Variants in RNF170 observed in about 807,000 individuals in gnomAD.
RNF170 encodes E3 ubiquitin-protein ligase RNF170.
In RNF170, 12 loss-of-function variants were observed where a neutral mutation model predicts 32.7. The observed-to-expected ratio is 0.37, with a 90% CI of 0.24 to 0.60. RNF170 has a LOEUF of 0.60. RNF170 is among the 20% of genes least tolerant of loss of function. The pLI is 0.72. For synonymous variants in RNF170, 91 were observed against 103.6 expected (o/e 0.88, Z 0.74); for missense variants, 212 against 311.2 (o/e 0.68, Z 2.40).
downstream of RNF170, among the ~76,000 whole-genome samples, chr8:42,852,945 G>A (rs1447778029): frequency 6.7e-6 from 1 of 149,748 alleles, no homozygotes; most frequent in Non-Finnish European, 1.5e-5. Context: ...GCCAGACCAT[G>A]TATCTACAAA....
downstream of RNF170, chr8:42,853,236 A>C (rs570584954): frequency 2.3e-4 from 163 of 710,220 alleles, 1 homozygote; most frequent in African/African-American, 2.8e-3. Context: ...ATTATACTGA[A>C]TGCTCTTTCA....
intron 3 of RNF170, among the ~76,000 whole-genome samples, chr8:42,872,569 A>T (rs1001044351): frequency 1.3e-5 from 2 of 152,058 alleles, no homozygotes; most frequent in African/African-American, 4.8e-5. Flanking sequence ...CAGCCTCCCA[A>T]GTAGCTGGGA....
chr8:42,857,391 C>T (rs1045118314), intron 6 of RNF170, among the ~76,000 whole-genome samples: 2 of 152,216 alleles, frequency 1.3e-5, no homozygotes, highest in Non-Finnish European at 2.9e-5. Flanking sequence ...AACAGCCTTA[C>T]AGCTTTCACA....
At chr8:42,896,835 C>T (rs1450173707), upstream of RNF170, 2 of 214,868 alleles carry the variant, frequency 9.3e-6, no homozygotes, top group Non-Finnish European at 1.8e-5. Flanking sequence ...GGCCTCGGCT[C>T]CAGCCAGGGC....
chr8:42,877,190 T>C (rs1357927004), intron 2 of RNF170, among the ~76,000 whole-genome samples: 1 of 151,968 alleles, frequency 6.6e-6, no homozygotes, highest in African/African-American at 2.4e-5. Flanking sequence ...CCTCCCAAAG[T>C]GCTGGGATTA....
At chr8:42,875,351 C>G (rs977406579) in intron 2 of RNF170, among the ~76,000 whole-genome samples, 2 of 152,146 alleles carry the variant, frequency 1.3e-5, no homozygotes, top group African/African-American at 4.8e-5. Context: ...AGAGCCTTTA[C>G]TCTCTGGGTA....
At chr8:42,892,880 G>A (rs1444178950) in intron 1 of RNF170, among the ~76,000 whole-genome samples, 2 of 151,946 alleles carry the variant, frequency 1.3e-5, no homozygotes, top group East Asian at 1.9e-4. Flanking sequence ...CCAGCTACTC[G>A]GGAGGCTGAG....
intron 6 of RNF170, chr8:42,861,355 T>A (rs1175026766): frequency 2.5e-5 from 4 of 160,904 alleles, no homozygotes; most frequent in African/African-American, 9.6e-5. Flanking sequence ...TCTTTTCTTG[T>A]TTTTTGAGGA....
chr8:42,855,158 A>C lies in RNF170; in HGVS notation c.*1001T>G, dbSNP rs1361628116. 1 of 1,287,102 alleles carries C rather than the reference A, an allele frequency of 7.8e-7. No individual in the cohort carries two copies. The highest frequency in any genetic ancestry group is 1.5e-5 in the African/African-American group (1 of 65,880). The allele number at this position is 1,287,102 out of a possible 1,614,324, so 79.7% of individuals were successfully genotyped here. On this transcript the variant is annotated 3_prime_UTR_variant, in exon 7 of 7. Transcript: ENST00000527424. The stretch of plus-strand genomic sequence containing the variant: ...CAAATTACTTTTATATCTACTACGA[A>C]AGGATGAGCTCTTGTTTAAATGTCT...
chr8:42,894,702 C>G (rs1388238503), intron 1 of RNF170, among the ~76,000 whole-genome samples: 2 of 152,058 alleles, frequency 1.3e-5, no homozygotes, highest in East Asian at 3.9e-4. Flanking sequence ...GTAGCTGGGA[C>G]TACAGGAGCC....
In RNF170 at chr8:42,887,821, TCATC is replaced by T; in HGVS notation, c.40_43del (p.Asp14MetfsTer5). On this transcript the variant is annotated frameshift_variant, in exon 2 of 7. Transcript: ENST00000527424. LOFTEE classifies it high-confidence loss of function. ...GCTTACTCCTTCTATAACTGAATCATCATCCAGTTTCAAACTTTGAACTTCACCT... is the reference window on the plus strand; with the variant it reads ...GCTTACTCCTTCTATAACTGAATCATCAGTTTCAAACTTTGAACTTCACCT... The T allele has an allele frequency of 6.2e-7, 1 of 1,613,946 alleles. No individual in the cohort carries two copies. The highest frequency in any genetic ancestry group is 1.6e-4 in the Middle Eastern group (1 of 6,062).
chr8:42,862,800 C>T (rs73634697), intron 5 of RNF170, among the ~76,000 whole-genome samples: 2,746 of 152,266 alleles, frequency 0.018, 86 homozygotes, highest in African/African-American at 0.064. Context: ...ACACCTATGG[C>T]GGGCCAGGCA....
Position 42,854,882 on chromosome 8 carries a change from A to G in RNF170, c.*1277T>C. 7.8e-7 allele frequency: 1 copy of G among 1,287,288 alleles called. No individual in the cohort carries two copies. Among genetic ancestry groups the G allele is most frequent in the South Asian group, 1.2e-5 (1 of 80,942 alleles). The allele number at this position is 1,287,288 out of a possible 1,614,324, so 79.7% of individuals were successfully genotyped here. A position where few individuals can be genotyped will look rare whatever the true frequency, so the allele number is the denominator to read the frequency against. ...TACATTCACTTGTTTGGCTCAAGAC[A>G]TGAATCTGAGCTGTGTGCTGCCATC... On this transcript the variant is annotated 3_prime_UTR_variant, in exon 7 of 7. Coordinates refer to ENST00000527424, the MANE Select transcript of RNF170 (RefSeq NM_030954.4).
At chr8:42,889,279 T>TA (rs1291261802) in intron 1 of RNF170, 1 of 152,126 alleles carries the variant, frequency 6.6e-6, no homozygotes, top group Non-Finnish European at 1.5e-5. Flanking sequence ...TCCTACACTC[T>TA]AAACTAGAGA....
Position 42,853,966 on chromosome 8 carries a change from T to C in RNF170, c.*2193A>G. ...TGGAGCAGAATGCATGCACACAAAA[T>C]AAAATCCTGTCAAAAAATGACATCA... On this transcript the variant is annotated 3_prime_UTR_variant, in exon 7 of 7. Transcript: ENST00000527424. 2 of 1,287,102 alleles carry C rather than the reference T, an allele frequency of 1.6e-6. No individual in the cohort carries two copies. The highest frequency in any genetic ancestry group is 2.0e-6 in the Non-Finnish European group (2 of 988,618). 79.7% of individuals were successfully genotyped at this position (1,287,102 alleles called of 1,614,324 possible). A position where few individuals can be genotyped will look rare whatever the true frequency, so the allele number is the denominator to read the frequency against.
In RNF170 at chr8:42,874,021, A is replaced by T. The variant is rs1804719882; in HGVS notation, c.138-15T>A. The T allele has an allele frequency of 6.7e-7, 1 of 1,483,988 alleles. No homozygotes were observed. Among genetic ancestry groups the T allele is most frequent in the African/African-American group, 1.4e-5 (1 of 72,350 alleles). The allele number at this position is 1,483,988 out of a possible 1,614,324, so 91.9% of individuals were successfully genotyped here. On this transcript the variant is annotated splice_polypyrimidine_tract_variant and intron_variant, in intron 2 of 6. Transcript: ENST00000527424. ...GATGTACATTTCTGTTGAATAGAAT[A>T]TAATAAATTTTGAATAGAAAATATT...
intron 6 of RNF170, 26 bp downstream of exon 6, chr8:42,861,719 T>C: frequency 6.6e-7 from 1 of 1,525,500 alleles, no homozygotes; most frequent in Non-Finnish European, 9.1e-7. Flanking sequence ...TTCCTCTAAC[T>C]TTGAACATGC....
intron 5 of RNF170, among the ~76,000 whole-genome samples, chr8:42,863,686 C>T (rs1399514428): frequency 3.3e-5 from 5 of 152,136 alleles, no homozygotes; most frequent in African/African-American, 4.8e-5. Context: ...GTGATCTGCC[C>T]GCCTCAGCCT....
intron 2 of RNF170, among the ~76,000 whole-genome samples, chr8:42,886,038 C>T (rs1805791987): frequency 6.6e-6 from 1 of 152,124 alleles, no homozygotes; most frequent in Non-Finnish European, 1.5e-5. Flanking sequence ...TCCTGGCTAA[C>T]ACGGTGAAAC....
Sources: allele counts gnomAD v4.1 joint callset (sites outside exome capture counted in the v4.1 genomes callset), GRCh38; gene constraint gnomAD v4.1.1; transcripts MANE v1.5; gene names NCBI Gene and HGNC (gene_info 2026-07-23, HGNC 2026-07-21).